IFT172: variants seen among roughly 807,000 people sequenced by gnomAD.
IFT172 encodes intraflagellar transport 172, also known as intraflagellar transport protein 172 homolog.
Under a neutral mutation model 248.9 loss-of-function variants are expected in IFT172, and 164 were observed. The observed-to-expected ratio is 0.66, with a 90% CI of 0.58 to 0.75. The LOEUF (loss-of-function observed/expected upper bound fraction) is 0.75. Ranked by LOEUF, IFT172 falls within the 30% of genes least tolerant of loss-of-function variation. IFT172 has a pLI of 0.00. For missense variants in IFT172, 1,950 were observed against 2,192.4 expected (o/e 0.89, Z 2.21); for synonymous variants, 729 against 791.6 (o/e 0.92, Z 1.33).
chr2:27,471,274 A>G (rs1010468637), intron 15 of IFT172, 179 bp from the exon 16 acceptor site: 1 of 545,162 alleles, frequency 1.8e-6, no homozygotes, highest in Non-Finnish European at 3.2e-6. Context: ...CTGGTCAAGT[A>G]AGAGATGACC....
In IFT172 at chr2:27,454,548, GT is replaced by G; in HGVS notation, c.3465+18del. On this transcript the variant is annotated intron_variant, in intron 31 of 47. Coordinates refer to ENST00000260570, the MANE Select transcript of IFT172 (RefSeq NM_015662.3). This position sits in a 1 kb window ranked among gnomAD's most constrained non-coding sequence, Gnocchi z 4.2. ...GGAATAAGAGGGCTCTGCGGTCGGG[GT>G]CCAAATCACACCCATACCTCATCCT... The G allele has an allele frequency of 6.2e-7, 1 of 1,613,426 alleles. No individual in the cohort carries two copies. Among genetic ancestry groups the G allele is most frequent in the Non-Finnish European group, 8.5e-7 (1 of 1,179,386 alleles).
At chr2:27,481,357 C>T (rs1668348891) in intron 7 of IFT172, 97 bp from the exon 8 acceptor site, 1 of 893,110 alleles carries the variant, frequency 1.1e-6, no homozygotes, top group African/African-American at 1.7e-5. Flanking sequence ...GACCATCATA[C>T]CCTGCAGAAA....
rs1444591972 is a variant in IFT172, at chr2:27,462,737, CT to C, written c.2078del (p.Lys693ArgfsTer8). ...AGATCATTTCAGCCAGTTTGTAGTTCTTTTCCAGCATGGCTAGACGTGCTCG... is the reference window on the plus strand; with the variant it reads ...AGATCATTTCAGCCAGTTTGTAGTTCTTTCCAGCATGGCTAGACGTGCTCG... ...QVRARLAMLE[K>X]NYKLAEMIFL... On this transcript the variant is annotated frameshift_variant, in exon 20 of 48. Coordinates refer to ENST00000260570, the MANE Select transcript of IFT172 (RefSeq NM_015662.3). LOFTEE classifies it high-confidence loss of function. The C allele has an allele frequency of 6.2e-7, 1 of 1,613,942 alleles. No homozygotes were observed. The highest frequency in any genetic ancestry group is 1.7e-5 in the Admixed American group (1 of 59,998).
At chr2:27,471,518 A>G (rs568627515) in intron 15 of IFT172, among the ~76,000 whole-genome samples, 121 of 152,316 alleles carry the variant, frequency 7.9e-4, no homozygotes, top group African/African-American at 2.8e-3. Context: ...ATGAGAATCA[A>G]TGAGGGACGA....
rs1167219606 is a variant in IFT172, at chr2:27,454,197, A to T, written c.3531-35T>A. ...GGTGGGGACAGAGGAGAGACTGAGT[A>T]TAGGACTGAGGCCCCAATAGTGGGA... is the stretch of plus-strand genomic sequence containing the variant. On this transcript the variant is annotated intron_variant, in intron 32 of 47. Transcript: ENST00000260570. This position sits in a 1 kb window ranked among gnomAD's most constrained non-coding sequence, Gnocchi z 4.2. 6.2e-7 allele frequency: 1 copy of T among 1,605,916 alleles called. No individual in the cohort carries two copies. The highest frequency in any genetic ancestry group is 1.1e-5 in the South Asian group (1 of 90,244).
chr2:27,463,234 T>A, intron 18 of IFT172, 53 bp from the exon 19 acceptor site: 1 of 1,505,672 alleles, frequency 6.6e-7, no homozygotes, highest in Non-Finnish European at 9.2e-7. Flanking sequence ...GAATCATCAT[T>A]AATTCATTGG....
Position 27,461,059 on chromosome 2 carries a change from T to C in IFT172, c.2477A>G (p.Gln826Arg). The C allele has an allele frequency of 1.9e-6, 3 of 1,614,158 alleles. No individual in the cohort carries two copies. The highest frequency in any genetic ancestry group is 2.5e-6 in the Non-Finnish European group (3 of 1,180,018). ...TTTACGGTAGCACTCCAGGGCCTTC[T>C]GTGGATTGTGAATCTTCTCAAAGAG... is the stretch of plus-strand genomic sequence containing the variant. ...GDLFEKIHNP[Q>R]KALECYRKGN... Residue 826 changes from glutamine to arginine, a missense_variant, in exon 23 of 48, where the codon CAG becomes CGG. This residue lies in a region of IFT172 where 1,166 missense variants were observed against 1,254.1 expected (regional missense o/e 0.93). Coordinates refer to ENST00000260570, the MANE Select transcript of IFT172 (RefSeq NM_015662.3).
Position 27,445,232 on chromosome 2 carries a change from T to TAA in IFT172, c.5068+62_5068+63dup. On this transcript the variant is annotated intron_variant, in intron 46 of 47. Coordinates refer to ENST00000260570, the MANE Select transcript of IFT172 (RefSeq NM_015662.3). The surrounding 1 kb of genome is among the most constrained non-coding windows in gnomAD (Gnocchi z 4.4). Reference sequence around the variant, plus strand: ...ACCCTTTACTGAATCCTAGTAAAATTAAGTTTATTGATCCTGCTGCTTTCT... The same window carrying TAA: ...ACCCTTTACTGAATCCTAGTAAAATTAAAAGTTTATTGATCCTGCTGCTTTCT... 1 of 1,583,120 alleles carries TAA rather than the reference T, an allele frequency of 6.3e-7. No individual in the cohort carries two copies. Among genetic ancestry groups the TAA allele is most frequent in the African/African-American group, 1.4e-5 (1 of 73,904 alleles).
At chr2:27,449,824 G>A (rs1001929493) in intron 36 of IFT172, 24 bp from the exon 37 acceptor site, 11 of 1,564,074 alleles carry the variant, frequency 7.0e-6, no homozygotes, top group Non-Finnish European at 7.0e-6. Flanking sequence ...AATCAGCGTG[G>A]AGACTTTCTC....
At chr2:27,449,875 TC>T in intron 36 of IFT172, 75 bp from the exon 37 acceptor site, 1 of 1,427,492 alleles carries the variant, frequency 7.0e-7, no homozygotes, top group Non-Finnish European at 9.8e-7. Context: ...CCCATCTGTT[TC>T]CCCAGGACTG....
intron 14 of IFT172, among the ~76,000 whole-genome samples, chr2:27,476,293 T>C (rs1044926692): frequency 1.3e-5 from 2 of 152,120 alleles, no homozygotes; most frequent in Non-Finnish European, 2.9e-5. Flanking sequence ...TTTTAAGAGA[T>C]GGGGTCTTAC....
intron 12 of IFT172, 107 bp downstream of exon 12, chr2:27,477,452 G>T: frequency 8.2e-7 from 1 of 1,215,740 alleles, no homozygotes; most frequent in Non-Finnish European, 1.2e-6. Flanking sequence ...CATCCTCCCT[G>T]TTTCTTTATC....
intron 7 of IFT172, among the ~76,000 whole-genome samples, chr2:27,482,175 G>T (rs1182274004): frequency 2.6e-5 from 4 of 151,474 alleles, no homozygotes; most frequent in African/African-American, 7.3e-5. Flanking sequence ...TAGAGACGGG[G>T]TTTCACCATG....
intron 35 of IFT172, among the ~76,000 whole-genome samples, chr2:27,451,039 T>TCTAGTGC (rs1665628105): frequency 6.6e-6 from 1 of 152,120 alleles, no homozygotes; most frequent in Admixed American, 6.6e-5. Context: ...GCATTATATT[T>TCTAGTGC]CTAGTGCCAG....
chr2:27,464,360 T>C (rs185520842), intron 18 of IFT172, among the ~76,000 whole-genome samples: 43 of 152,286 alleles, frequency 2.8e-4, no homozygotes, highest in African/African-American at 1.0e-3. Flanking sequence ...ATTAACCCTA[T>C]TCTACACAGA....
chr2:27,459,451 A>G lies in IFT172; in HGVS notation c.2714T>C (p.Leu905Pro). 6.2e-7 allele frequency: 1 copy of G among 1,614,230 alleles called. No homozygotes were observed. Among genetic ancestry groups the G allele is most frequent in the Non-Finnish European group, 8.5e-7 (1 of 1,180,042 alleles). ...TTTGGATGCAGTGTTCCGGTCCTGT[A>G]GATCTAATATATAAATTGCCTTCTT... Reference protein sequence around the residue: ...QWKKAIYILDLQDRNTASKYY... With the variant: ...QWKKAIYILDPQDRNTASKYY... The change falls in exon 25 of 48, where the codon CTA becomes CCA. Residue 905 changes from leucine (L) to proline (P), a missense_variant. Around this residue, in one of 3 missense-constraint regions of IFT172, gnomAD observed 1,166 missense variants for 1,254.1 expected, o/e 0.93. Coordinates refer to ENST00000260570, the MANE Select transcript of IFT172 (RefSeq NM_015662.3).
At position 27,454,516 on chromosome 2, in the gene IFT172, AG is replaced by A. The variant is rs1665992075; in HGVS notation, c.3465+50del. The A allele has an allele frequency of 5.0e-6, 8 of 1,608,540 alleles. No individual in the cohort carries two copies. Among genetic ancestry groups the A allele is most frequent in the Non-Finnish European group, 6.8e-6 (8 of 1,174,982 alleles). On this transcript the variant is annotated intron_variant, in intron 31 of 47. Transcript: ENST00000260570. The surrounding 1 kb of genome is among the most constrained non-coding windows in gnomAD (Gnocchi z 4.2). The stretch of plus-strand genomic sequence containing the variant: ...TCTGCACACCCAGCAGCAGTGCACT[AG>A]GGGATGGAATAAGAGGGCTCTGCGG...
intron 8 of IFT172, among the ~76,000 whole-genome samples, chr2:27,480,684 C>T (rs1340690248): frequency 6.6e-6 from 1 of 152,132 alleles, no homozygotes; most frequent in African/African-American, 2.4e-5. Flanking sequence ...TAATAAGCCC[C>T]CTTCTCAAGG....
At chr2:27,447,671 C>A in intron 41 of IFT172, 37 bp from the exon 42 acceptor site, 1 of 1,613,714 alleles carries the variant, frequency 6.2e-7, no homozygotes, top group South Asian at 1.1e-5. Context: ...GCTCAGGGGT[C>A]AGAGGAGTGC....
Sources: allele counts gnomAD v4.1 joint callset (sites outside exome capture counted in the v4.1 genomes callset), GRCh38; gene constraint gnomAD v4.1.1; regional missense constraint gnomAD v4.1.1; non-coding constraint Gnocchi (gnomAD v3.1); transcripts MANE v1.5; gene names NCBI Gene and HGNC (gene_info 2026-07-23, HGNC 2026-07-21).